The following PTPN21 variants were observed in gnomAD, a reference collection of about 807,000 sequenced individuals.
The protein encoded by PTPN21 is tyrosine-protein phosphatase non-receptor type 21.
PTPN21 carries 77 observed loss-of-function variants against 131.8 expected under a neutral mutation model. The ratio of observed to expected loss-of-function variants is 0.58; its 90% CI spans 0.49 to 0.71. The LOEUF (loss-of-function observed/expected upper bound fraction) is 0.71, where lower values mean the gene tolerates loss of function less well. Among genes scored for constraint, PTPN21 ranks in the 30% least tolerant of loss-of-function variants. The pLI is 0.00. For missense variants in PTPN21, 1,552 were observed against 1,527.1 expected, an observed-to-expected ratio of 1.02 and a Z score of -0.27; for synonymous variants, 715 against 621.3, an observed-to-expected ratio of 1.15 and a Z score of -2.24.
At chr14:88,471,656 C>T (rs1282417447) in intron 15 of PTPN21, among the ~76,000 whole-genome samples, 1 of 152,084 alleles carries the variant, frequency 6.6e-6, no homozygotes, top group African/African-American at 2.4e-5. Flanking sequence ...ACAGATGGCA[C>T]CTTGGTAAGT....
rs12432381 is a variant in PTPN21 at position 88,523,846 on chromosome 14, C to T, written c.181-6585G>A. Among the ~76,000 whole-genome samples the T allele has an allele frequency of 0.021, 3,262 of 151,732 alleles. 177 individuals carry two copies. The East Asian group carries it at 0.24, about 11-fold the overall frequency. ...TCAGCTGCTATATACCAGCAATGTA[C>T]ATGTCAAAAAAAGAAAACAATTCCA... On this transcript the variant is annotated intron_variant, in intron 2 of 18. Coordinates refer to ENST00000556564, the MANE Select transcript of PTPN21 (RefSeq NM_007039.4).
chr14:88,510,333 G>A (rs1281396251), intron 3 of PTPN21, among the ~76,000 whole-genome samples: 1 of 152,178 alleles, frequency 6.6e-6, no homozygotes, highest in Non-Finnish European at 1.5e-5. Flanking sequence ...TAAGCTCACA[G>A]CTAAAATCCA....
intron 4 of PTPN21, among the ~76,000 whole-genome samples, chr14:88,506,174 A>G: frequency 6.6e-6 from 1 of 152,008 alleles, no homozygotes; most frequent in Non-Finnish European, 1.5e-5. Context: ...CCCTATCTCT[A>G]TAAAAAATTT....
At chr14:88,549,000 G>C (rs1200903683) in intron 2 of PTPN21, among the ~76,000 whole-genome samples, 2 of 152,198 alleles carry the variant, frequency 1.3e-5, no homozygotes, top group Admixed American at 1.3e-4. Flanking sequence ...CTGGGGCTCA[G>C]AGATATCACA....
intron 2 of PTPN21, among the ~76,000 whole-genome samples, chr14:88,517,667 C>CACAT (rs1566838910): frequency 0.027 from 159 of 5,838 alleles, 4 homozygotes; most frequent in African/African-American, 0.039. Flanking sequence ...TATACACATA[C>CACAT]ACACACATAT....
At chr14:88,549,878 T>C (rs1456233633) in intron 2 of PTPN21, among the ~76,000 whole-genome samples, 1 of 151,962 alleles carries the variant, frequency 6.6e-6, no homozygotes, top group Non-Finnish European at 1.5e-5. Context: ...TTCTCCTGTC[T>C]CAGCCTCCCG....
intron 10 of PTPN21, among the ~76,000 whole-genome samples, chr14:88,495,405 A>G (rs1045460182): frequency 2.0e-5 from 3 of 152,212 alleles, no homozygotes; most frequent in Non-Finnish European, 4.4e-5. Context: ...TCACGCCTGT[A>G]ATCCCAGCAC....
intron 12 of PTPN21, among the ~76,000 whole-genome samples, chr14:88,481,866 A>T (rs1025723408): frequency 1.3e-5 from 2 of 152,200 alleles, no homozygotes; most frequent in African/African-American, 2.4e-5. Context: ...AGGCACAACA[A>T]TGCGACTAGT....
At chr14:88,509,325 G>GT (rs975834314) in intron 3 of PTPN21, among the ~76,000 whole-genome samples, 70 of 152,276 alleles carry the variant, frequency 4.6e-4, no homozygotes, top group African/African-American at 1.6e-3. Context: ...ACTGTCCTCC[G>GT]TATCTGGTGC....
chr14:88,506,209 G>A lies in PTPN21; in HGVS notation c.449-838C>T, dbSNP rs117830544. Among the ~76,000 whole-genome samples the A allele has an allele frequency of 3.3e-4, 50 of 152,106 alleles. No homozygotes were observed. In the Middle Eastern group the frequency reaches 0.01, roughly 31 times the overall value. On this transcript the variant is annotated intron_variant, in intron 4 of 18. Transcript: ENST00000556564. ...TTAAAAATCAGCCAGGCATGGTAGCGCACACCTGTAGTCACAGCTACTTGG... is the reference window on the plus strand; with the variant it reads ...TTAAAAATCAGCCAGGCATGGTAGCACACACCTGTAGTCACAGCTACTTGG...
intron 2 of PTPN21, among the ~76,000 whole-genome samples, chr14:88,521,842 A>T (rs2078399057): frequency 6.6e-6 from 1 of 152,202 alleles, no homozygotes; most frequent in Non-Finnish European, 1.5e-5. Context: ...TTTCTGGTTT[A>T]TTGTATAATT....
At position 88,478,983 on chromosome 14, in the gene PTPN21, T is replaced by C. The variant is rs2140095891; in HGVS notation, c.2448A>G (p.Lys816=). 6.3e-7 allele frequency: 1 copy of C among 1,579,370 alleles called. No homozygotes were observed. Among genetic ancestry groups the C allele is most frequent in the Non-Finnish European group, 8.6e-7 (1 of 1,163,984 alleles). The change falls in exon 13 of 19, where the codon AAA becomes AAG. Residue 816 remains lysine (K), a synonymous_variant. Coordinates refer to ENST00000556564, the MANE Select transcript of PTPN21 (RefSeq NM_007039.4). ...CAGAGAGAAGGTCCGACACCGGCCT[T>C]TTCTTCAGAGAGTCCCTCCGGGCTC... The part of the protein sequence containing the change: ...RYRARRDSLK[K]RPVSDLLSGK...
intron 13 of PTPN21, among the ~76,000 whole-genome samples, chr14:88,478,302 T>C (rs1486467249): frequency 1.3e-5 from 2 of 152,234 alleles, no homozygotes; most frequent in African/African-American, 4.8e-5. Context: ...GGGACTTTCC[T>C]TAGATTCTCA....
chr14:88,486,761 G>A (rs895999713), intron 10 of PTPN21, among the ~76,000 whole-genome samples: 36 of 152,080 alleles, frequency 2.4e-4, no homozygotes, highest in Admixed American at 1.3e-4. Context: ...TGGATCACCT[G>A]AAGTCAGGAG....
intron 2 of PTPN21, among the ~76,000 whole-genome samples, chr14:88,536,257 A>G (rs567581129): frequency 6.6e-6 from 1 of 152,334 alleles, no homozygotes; most frequent in East Asian, 1.9e-4. Context: ...ATGAACAAAC[A>G]TATCAGGATA....
chr14:88,552,133 G>A (rs2078878091), intron 1 of PTPN21: 1 of 152,330 alleles, frequency 6.6e-6, no homozygotes, highest in South Asian at 2.1e-4. Context: ...CCAGGCTTCA[G>A]GAAGAGAAGC....
chr14:88,522,427 C>CAAAAAA (rs1177147324), intron 2 of PTPN21, among the ~76,000 whole-genome samples: 5 of 42,110 alleles, frequency 1.2e-4, no homozygotes, highest in African/African-American at 2.5e-4. Flanking sequence ...AAGACTGTCT[C>CAAAAAA]AAAAAAAAAA....
intron 2 of PTPN21, among the ~76,000 whole-genome samples, chr14:88,519,822 G>A (rs2078362647): frequency 6.6e-6 from 1 of 152,118 alleles, no homozygotes; most frequent in Non-Finnish European, 1.5e-5. Flanking sequence ...CATCACACAA[G>A]AATGGAATAT....
At chr14:88,470,202 C>T in intron 15 of PTPN21, 152 bp from the exon 16 acceptor site, 1 of 677,654 alleles carries the variant, frequency 1.5e-6, no homozygotes, top group Admixed American at 3.0e-5. Context: ...TAAGGAAAGA[C>T]TTTTCATCTT....
Sources: gnomAD v4.1 joint callset for allele counts (sites outside exome capture counted in the v4.1 genomes callset) on GRCh38, gnomAD v4.1.1 for gene constraint, MANE v1.5 for transcripts, NCBI Gene and HGNC (gene_info 2026-07-23, HGNC 2026-07-21) for gene names.